ARSK: variants seen among roughly 807,000 people sequenced by gnomAD.
ARSK encodes arylsulfatase K.
A neutral mutation model predicts 53.2 loss-of-function variants in ARSK; 37 were observed. The ratio of observed to expected loss-of-function variants is 0.70; its 90% CI spans 0.54 to 0.92. ARSK has a LOEUF of 0.92. Ranked by LOEUF, ARSK falls within the 40% of genes least tolerant of loss-of-function variation. ARSK has a pLI of 0.00. For missense variants in ARSK, 613 were observed against 643.0 expected, an observed-to-expected ratio of 0.95 and a Z score of 0.51; for synonymous variants, 208 against 223.2, an observed-to-expected ratio of 0.93 and a Z score of 0.61.
rs1180644329 is a variant in ARSK at position 95,568,152 on chromosome 5, G to A, written c.416+103G>A. ...TTTTTATTTTTCCACAAAGGTGAAA[G>A]TAAATCTCTTAATCCCTTCATTGTG... On this transcript the variant is annotated intron_variant, in intron 3 of 7. Transcript: ENST00000380009. 6.4e-6 allele frequency: 8 copies of A among 1,258,196 alleles called. No individual in the cohort carries two copies. In the South Asian group the frequency reaches 1.4e-4, roughly 23 times the overall value. 77.9% of individuals were successfully genotyped at this position (1,258,196 alleles called of 1,614,324 possible).
intron 1 of ARSK, among the ~76,000 whole-genome samples, chr5:95,560,836 G>A (rs1170044075): frequency 3.7e-5 from 5 of 134,402 alleles, no homozygotes; most frequent in Non-Finnish European, 6.1e-5. Flanking sequence ...ATGGAGTCTC[G>A]CTCTGTCACC....
At chr5:95,560,853 G>A (rs923577459) in intron 1 of ARSK, among the ~76,000 whole-genome samples, 2 of 149,168 alleles carry the variant, frequency 1.3e-5, no homozygotes, top group Non-Finnish European at 3.0e-5. Context: ...CACCCAGGCC[G>A]GAGTGCAGTG....
intron 6 of ARSK, among the ~76,000 whole-genome samples, chr5:95,597,745 T>C (rs1749336057): frequency 6.6e-6 from 1 of 152,022 alleles, no homozygotes; most frequent in Admixed American, 6.5e-5. Context: ...AATACAAAAA[T>C]CAGCCAGGCG....
At chr5:95,559,186 C>T (rs576569980) in intron 1 of ARSK, among the ~76,000 whole-genome samples, 10 of 152,198 alleles carry the variant, frequency 6.6e-5, no homozygotes, top group African/African-American at 1.2e-4. Flanking sequence ...TCCAAAGCCA[C>T]GAATACATCA....
chr5:95,601,196 C>T (rs189375784), intron 7 of ARSK, 125 bp downstream of exon 7: 21 of 961,952 alleles, frequency 2.2e-5, no homozygotes, highest in African/African-American at 1.5e-4. Flanking sequence ...CATGCTAGGA[C>T]GATCTACAAA....
chr5:95,557,976 G>C (rs1211619595), intron 1 of ARSK, among the ~76,000 whole-genome samples: 4 of 152,162 alleles, frequency 2.6e-5, no homozygotes, highest in African/African-American at 9.7e-5. Context: ...TAGCAAGAAG[G>C]GTCTGTGGCA....
chr5:95,558,487 A>G (rs1748566929), intron 1 of ARSK, among the ~76,000 whole-genome samples: 1 of 152,256 alleles, frequency 6.6e-6, no homozygotes, highest in African/African-American at 2.4e-5. Context: ...CTGAACAAGA[A>G]AAAAGACAAA....
chr5:95,559,905 A>G (rs556753002), intron 1 of ARSK, among the ~76,000 whole-genome samples: 2 of 152,352 alleles, frequency 1.3e-5, no homozygotes, highest in South Asian at 4.1e-4. Context: ...GAAGAAGTAA[A>G]AGTATCTATA....
rs553458084 is a variant in ARSK, at chr5:95,603,049, G to T, written c.1322-188G>T. ...GACAATGGTAGGAAGGAGGGAATTT[G>T]GGCATGCAACATAGGGTGTTTAACT... On this transcript the variant is annotated intron_variant, in intron 7 of 7. Transcript: ENST00000380009. Among the ~76,000 whole-genome samples, 41 of 152,130 alleles carry T rather than the reference G, an allele frequency of 2.7e-4. 1 individual carries two copies. In the South Asian group the frequency reaches 8.3e-3, roughly 31 times the overall value.
In ARSK at chr5:95,602,837, A is replaced by G. The variant is rs76039087; in HGVS notation, c.1322-400A>G. Reference sequence around the variant, plus strand: ...AGTTGCAGGAACATGACTTGTCTATATAAAGAATTTGTAGAAAGTTTGAGG... The same window carrying G: ...AGTTGCAGGAACATGACTTGTCTATGTAAAGAATTTGTAGAAAGTTTGAGG... On this transcript the variant is annotated intron_variant, in intron 7 of 7. Transcript: ENST00000380009. 2.5e-3 allele frequency among the ~76,000 whole-genome samples: 379 copies of G among 152,304 alleles called. 2 individuals carry two copies. The highest frequency in any genetic ancestry group is 8.7e-3 in the African/African-American group (361 of 41,580).
At chr5:95,602,337 A>G in intron 7 of ARSK, among the ~76,000 whole-genome samples, 1 of 152,176 alleles carries the variant, frequency 6.6e-6, no homozygotes, top group East Asian at 1.9e-4. Context: ...TTTTTATACC[A>G]TGTTCTACCA....
intron 1 of ARSK, among the ~76,000 whole-genome samples, chr5:95,559,607 G>A (rs1408471964): frequency 2.0e-5 from 3 of 152,132 alleles, no homozygotes; most frequent in Non-Finnish European, 4.4e-5. Flanking sequence ...ACTGAATAAA[G>A]GACAAAACCC....
intron 7 of ARSK, among the ~76,000 whole-genome samples, chr5:95,603,002 G>GA (rs34413373): frequency 3.3e-5 from 5 of 150,722 alleles, no homozygotes; most frequent in African/African-American, 7.3e-5. Context: ...TTTAAGAAAA[G>GA]AAAAAAAAAG....
chr5:95,564,751 G>A (rs915693738), intron 1 of ARSK, among the ~76,000 whole-genome samples: 11 of 151,998 alleles, frequency 7.2e-5, no homozygotes, highest in South Asian at 2.1e-4. Context: ...CATGGCACTC[G>A]GTCTCCTCAC....
intron 1 of ARSK, among the ~76,000 whole-genome samples, chr5:95,564,250 T>C (rs1748689142): frequency 2.0e-5 from 3 of 152,186 alleles, no homozygotes; most frequent in Admixed American, 2.0e-4. Context: ...AGAGCTGGGA[T>C]TACAGGCATG....
intron 3 of ARSK, among the ~76,000 whole-genome samples, chr5:95,568,422 A>G (rs1748767255): frequency 6.6e-6 from 1 of 151,978 alleles, no homozygotes; most frequent in Admixed American, 6.6e-5. Context: ...ACTTGAGTCT[A>G]TTGTAACTTT....
intron 1 of ARSK, among the ~76,000 whole-genome samples, chr5:95,562,681 GAATT>G (rs200822930): frequency 0.023 from 3,490 of 152,278 alleles, 96 homozygotes; most frequent in African/African-American, 0.065. Context: ...GGACCCATGA[GAATT>G]AATTAACAAG....
At position 95,603,630 on chromosome 5, in the gene ARSK, C is replaced by A; in HGVS notation, c.*104C>A. The A allele has an allele frequency of 2.7e-6, 3 of 1,119,740 alleles. No individual in the cohort carries two copies. The highest frequency in any genetic ancestry group is 3.6e-6 in the Non-Finnish European group (3 of 837,620). 69.4% of individuals were successfully genotyped at this position (1,119,740 alleles called of 1,614,324 possible). A position where few individuals can be genotyped will look rare whatever the true frequency, so the allele number is the denominator to read the frequency against. ...AGTTTTAATAATTACCAAGTTTTGGCCGGGCACAGTGGCTCACACCTGTAA... is the reference window on the plus strand; with the variant it reads ...AGTTTTAATAATTACCAAGTTTTGGACGGGCACAGTGGCTCACACCTGTAA... On this transcript the variant is annotated 3_prime_UTR_variant, in exon 8 of 8. Transcript: ENST00000380009.
chr5:95,603,954 G>T lies in ARSK; in HGVS notation c.*428G>T, dbSNP rs1351568465. The T allele has an allele frequency of 6.6e-6, 1 of 152,014 alleles. No homozygotes were observed. Among genetic ancestry groups the T allele is most frequent in the Non-Finnish European group, 1.5e-5 (1 of 67,990 alleles). 9.4% of individuals were successfully genotyped at this position (152,014 alleles called of 1,614,324 possible). A position where few individuals can be genotyped will look rare whatever the true frequency, so the allele number is the denominator to read the frequency against. On this transcript the variant is annotated 3_prime_UTR_variant, in exon 8 of 8. Coordinates refer to ENST00000380009, the MANE Select transcript of ARSK (RefSeq NM_198150.3). Reference sequence around the variant, plus strand: ...ATAATTACCAATTTTTCATTATTTTGTAAGAATGTAGTGTATTTTAAGATA... The same window carrying T: ...ATAATTACCAATTTTTCATTATTTTTTAAGAATGTAGTGTATTTTAAGATA...
Sources: allele counts gnomAD v4.1 joint callset (sites outside exome capture counted in the v4.1 genomes callset), GRCh38; gene constraint gnomAD v4.1.1; transcripts MANE v1.5; gene names NCBI Gene and HGNC (gene_info 2026-07-23, HGNC 2026-07-21).